The following ADAP1 variants were observed in gnomAD, a reference collection of about 807,000 sequenced individuals.
The protein encoded by ADAP1 is arf-GAP with dual PH domain-containing protein 1.
In ADAP1, 31 loss-of-function variants were observed where a neutral mutation model predicts 54.9. The observed-to-expected ratio is 0.56, with a 90% CI of 0.42 to 0.76. The LOEUF is 0.76. ADAP1 is among the 30% of genes least tolerant of loss of function. The pLI, the probability that ADAP1 is intolerant of heterozygous loss-of-function variation, is 0.00. For missense variants in ADAP1, 535 were observed against 512.4 expected, an observed-to-expected ratio of 1.04 and a Z score of -0.42; for synonymous variants, 313 against 202.6, an observed-to-expected ratio of 1.55 and a Z score of -4.63.
chr7:906,643 G>GGAAAGGAGAAAGGA (rs1554272360), intron 4 of ADAP1, among the ~76,000 whole-genome samples: 1 of 91,562 alleles, frequency 1.1e-5, no homozygotes, highest in Non-Finnish European at 2.1e-5. Flanking sequence ...AAGGAGAAAG[G>GGAAAGGAGAAAGGA]GAAAGGAGAA....
In ADAP1 at chr7:935,370, C is replaced by T. The variant is rs527708480; in HGVS notation, c.213+5G>A. On this transcript the variant is annotated splice_donor_5th_base_variant and intron_variant, in intron 2 of 10. Coordinates refer to ENST00000265846, the MANE Select transcript of ADAP1 (RefSeq NM_006869.4). ...GCGGGTCCCCCCGCCCCTCCCCCTCCGTACCTCCACTTGGGCCTCCTCCCA... is the reference window on the plus strand; with the variant it reads ...GCGGGTCCCCCCGCCCCTCCCCCTCTGTACCTCCACTTGGGCCTCCTCCCA... 1.3e-6 allele frequency: 2 copies of T among 1,556,034 alleles called. No individual in the cohort carries two copies. The highest frequency in any genetic ancestry group is 1.7e-6 in the Non-Finnish European group (2 of 1,149,994).
chr7:950,786 G>A (rs546460396), intron 1 of ADAP1, among the ~76,000 whole-genome samples: 1 of 149,608 alleles, frequency 6.7e-6, no homozygotes, highest in South Asian at 2.1e-4. Flanking sequence ...GAACCCAGGA[G>A]GCAGAGGTTG....
At chr7:910,716 G>A (rs949721795) in intron 4 of ADAP1, among the ~76,000 whole-genome samples, 7 of 152,238 alleles carry the variant, frequency 4.6e-5, no homozygotes, top group African/African-American at 1.7e-4. Flanking sequence ...CAGGGTGGTG[G>A]ACCCTCTGGG....
chr7:917,154 G>A (rs1282495447), intron 4 of ADAP1, among the ~76,000 whole-genome samples: 1 of 1,416 alleles, frequency 7.1e-4, no homozygotes, highest in Non-Finnish European at 1.6e-3. Flanking sequence ...GGGGCGCAGT[G>A]CCAGCTCTAC....
chr7:906,708 A>AAAG (rs1845428569), intron 4 of ADAP1, among the ~76,000 whole-genome samples: 1 of 28,924 alleles, frequency 3.5e-5, no homozygotes, highest in African/African-American at 2.0e-4. Context: ...GACATGGGGG[A>AAAG]CGGGACATCG....
Position 906,693 on chromosome 7 carries a change from ACATG to A in ADAP1, c.389-1525_389-1522del, listed in dbSNP as rs1562915204. Among the ~76,000 whole-genome samples the A allele has an allele frequency of 3.8e-3, 198 of 52,286 alleles. 13 individuals carry two copies. The highest frequency in any genetic ancestry group is 9.3e-3 in the African/African-American group (80 of 8,622). 34.3% of individuals were successfully genotyped at this position (52,286 alleles called of 152,430 possible). A position where few individuals can be genotyped will look rare whatever the true frequency, so the allele number is the denominator to read the frequency against. On this transcript the variant is annotated intron_variant, in intron 4 of 10. Coordinates refer to ENST00000265846, the MANE Select transcript of ADAP1 (RefSeq NM_006869.4). The stretch of plus-strand genomic sequence containing the variant: ...GGGACATGGACAGGGGACACGGGGG[ACATG>A]GACATGGGGGACGGGACATCGGGGA...
chr7:933,368 C>G (rs1846644032), intron 2 of ADAP1, among the ~76,000 whole-genome samples: 1 of 152,210 alleles, frequency 6.6e-6, no homozygotes, highest in African/African-American at 2.4e-5. Context: ...GGTCGAGGCA[C>G]TGGGATCCCA....
chr7:904,949 G>A (rs112697144), intron 5 of ADAP1, 111 bp downstream of exon 5: 10 of 804,122 alleles, frequency 1.2e-5, no homozygotes, highest in African/African-American at 5.0e-5. Flanking sequence ...CCATCGGGGG[G>A]GGCAGCAGGG....
chr7:905,761 G>GGGAAA (rs1845218165), intron 4 of ADAP1: 1 of 5,310 alleles, frequency 1.9e-4, no homozygotes, highest in African/African-American at 1.1e-3. Context: ...GAAGGGAGAA[G>GGGAAA]GGAGAAAGGA....
rs1847152017 is a variant in ADAP1 at position 946,799 on chromosome 7, G to T, written c.82+7597C>A. Among the ~76,000 whole-genome samples the T allele has an allele frequency of 1.3e-5, 2 of 152,226 alleles. No individual in the cohort carries two copies. Among genetic ancestry groups the T allele is most frequent in the Non-Finnish European group, 2.9e-5 (2 of 68,052 alleles). Reference sequence around the variant, plus strand: ...ACTCGATAGAGGTGGTGGTTGAACAGCATGGAGAACGTTCTAAATGCCACT... The same window carrying T: ...ACTCGATAGAGGTGGTGGTTGAACATCATGGAGAACGTTCTAAATGCCACT... On this transcript the variant is annotated intron_variant, in intron 1 of 10. Transcript: ENST00000265846. The surrounding 1 kb of genome is among the most constrained non-coding windows in gnomAD (Gnocchi z 4.3).
chr7:909,039 C>T (rs1420510851), intron 4 of ADAP1, among the ~76,000 whole-genome samples: 1 of 152,210 alleles, frequency 6.6e-6, no homozygotes, highest in Non-Finnish European at 1.5e-5. Flanking sequence ...GCGCGCAGGC[C>T]GCGGGGTCTG....
chr7:919,045 GC>G (rs1846053188), intron 4 of ADAP1, among the ~76,000 whole-genome samples: 1 of 152,136 alleles, frequency 6.6e-6, no homozygotes, highest in Non-Finnish European at 1.5e-5. Flanking sequence ...GGCCTCCCAG[GC>G]CCCCATGGCA....
At chr7:930,503 C>A (rs1846538132) in intron 2 of ADAP1, among the ~76,000 whole-genome samples, 1 of 149,018 alleles carries the variant, frequency 6.7e-6, no homozygotes. Flanking sequence ...TAGCAAGACC[C>A]CATCACTACA....
chr7:911,788 C>G (rs1479988225), intron 4 of ADAP1, among the ~76,000 whole-genome samples: 2 of 135,548 alleles, frequency 1.5e-5, no homozygotes, highest in East Asian at 4.4e-4. Context: ...GGCGGGGGTC[C>G]CACGGAGGGC....
chr7:914,254 T>G (rs114509634), intron 4 of ADAP1, among the ~76,000 whole-genome samples: 2,140 of 152,312 alleles, frequency 0.014, 46 homozygotes, highest in African/African-American at 0.048. Context: ...CGTGGGGTTG[T>G]GGGTGTGGCA....
At position 926,245 on chromosome 7, in the gene ADAP1, G is replaced by T. The variant is rs1183878673; in HGVS notation, c.305+308C>A. 1.3e-5 allele frequency among the ~76,000 whole-genome samples: 2 copies of T among 151,488 alleles called. No homozygotes were observed. Among genetic ancestry groups the T allele is most frequent in the African/African-American group, 2.4e-5 (1 of 41,224 alleles). On this transcript the variant is annotated intron_variant, in intron 3 of 10. Transcript: ENST00000265846. This position sits in a 1 kb window ranked among gnomAD's most constrained non-coding sequence, Gnocchi z 4.6. ...TCCCGTTCCCCTCCCAGACCGCCAG[G>T]AGCACCTGGGAGGGCCCCTCAGATC...
intron 1 of ADAP1, among the ~76,000 whole-genome samples, chr7:953,271 C>A (rs2128113848): frequency 6.6e-6 from 1 of 152,322 alleles, no homozygotes; most frequent in East Asian, 1.9e-4. Flanking sequence ...GCCTGTCTTT[C>A]CAGAAAAGCC....
intron 6 of ADAP1, chr7:901,278 C>T (rs971447781): frequency 2.9e-6 from 1 of 344,028 alleles, no homozygotes; most frequent in East Asian, 7.8e-5. Flanking sequence ...ACCCAGCGCC[C>T]CTCCTGGGGT....
intron 6 of ADAP1, 44 bp downstream of exon 6, chr7:904,082 C>CA: frequency 6.2e-7 from 1 of 1,605,318 alleles, no homozygotes; most frequent in Middle Eastern, 2.0e-4. Flanking sequence ...CCTGAGGGCC[C>CA]ACCCTCCTGT....
Sources: allele counts gnomAD v4.1 joint callset (sites outside exome capture counted in the v4.1 genomes callset), GRCh38; gene constraint gnomAD v4.1.1; non-coding constraint Gnocchi (gnomAD v3.1); transcripts MANE v1.5; gene names NCBI Gene and HGNC (gene_info 2026-07-23, HGNC 2026-07-21).